The following MAP3K1 variants were observed in gnomAD, a reference collection of about 807,000 sequenced individuals.
The protein encoded by MAP3K1 is MAP/ERK kinase kinase 1.
Under a neutral mutation model 144.2 loss-of-function variants are expected in MAP3K1, and 36 were observed. The ratio of observed to expected loss-of-function variants is 0.25; its 90% CI spans 0.19 to 0.33. MAP3K1 has a LOEUF of 0.33. Among genes scored for constraint, MAP3K1 ranks in the 10% least tolerant of loss-of-function variants. MAP3K1 has a pLI of 1.00. For synonymous variants in MAP3K1, 718 were observed against 688.7 expected, an observed-to-expected ratio of 1.04 and a Z score of -0.67; for missense variants, 1,650 against 1,881.9, an observed-to-expected ratio of 0.88 and a Z score of 2.28.
At chr5:56,870,580 A>G (rs1747821383) in intron 6 of MAP3K1, among the ~76,000 whole-genome samples, 1 of 152,134 alleles carries the variant, frequency 6.6e-6, no homozygotes, top group African/African-American at 2.4e-5. Flanking sequence ...ACGTTCCCCC[A>G]TCCATGTTTC....
intron 4 of MAP3K1, 37 bp from the exon 5 acceptor site, chr5:56,865,303 A>T: frequency 8.7e-7 from 1 of 1,149,772 alleles, no homozygotes; most frequent in African/African-American, 1.5e-5. Context: ...TGAACCACAG[A>T]TGTATTAACC....
chr5:56,868,340 A>G, intron 6 of MAP3K1, among the ~76,000 whole-genome samples: 1 of 151,962 alleles, frequency 6.6e-6, no homozygotes, highest in African/African-American at 2.4e-5. Flanking sequence ...AAAATCTGAA[A>G]CGTCAAAAAA....
intron 6 of MAP3K1, among the ~76,000 whole-genome samples, chr5:56,870,635 T>C (rs1308359619): frequency 6.6e-6 from 1 of 152,200 alleles, no homozygotes; most frequent in Non-Finnish European, 1.5e-5. Context: ...AGTCATGCCA[T>C]ATGTTCTGGT....
At chr5:56,853,691 G>A (rs1747247110) in intron 1 of MAP3K1, among the ~76,000 whole-genome samples, 1 of 152,172 alleles carries the variant, frequency 6.6e-6, no homozygotes, top group Non-Finnish European at 1.5e-5. Flanking sequence ...GAGGAGTTGA[G>A]GAAAATCTAG....
chr5:56,817,786 G>T (rs192372639), intron 1 of MAP3K1, among the ~76,000 whole-genome samples: 15 of 152,190 alleles, frequency 9.9e-5, no homozygotes, highest in Admixed American at 7.8e-4. Context: ...TTTAGCAAAC[G>T]TCAGCATTCT....
chr5:56,889,769 C>A (rs906008053), intron 19 of MAP3K1, among the ~76,000 whole-genome samples: 6 of 152,078 alleles, frequency 3.9e-5, no homozygotes, highest in African/African-American at 1.2e-4. Flanking sequence ...GAAGCATGTA[C>A]TTCGTGGGAT....
intron 1 of MAP3K1, among the ~76,000 whole-genome samples, chr5:56,817,465 T>G (rs1163615511): frequency 6.6e-6 from 1 of 152,200 alleles, no homozygotes; most frequent in Non-Finnish European, 1.5e-5. Context: ...CACGATCCAT[T>G]TAGTATTTGG....
At position 56,858,254 on chromosome 5, in the gene MAP3K1, T is replaced by C. The variant is rs777356010; in HGVS notation, c.634-1461T>C. On this transcript the variant is annotated intron_variant, in intron 2 of 19. Coordinates refer to ENST00000399503, the MANE Select transcript of MAP3K1 (RefSeq NM_005921.2). Reference sequence around the variant, plus strand: ...AGGTGTTCAAACAGCCTAAATCTTTTGAGAATACCGTAGGGCATAAATCAC... The same window carrying C: ...AGGTGTTCAAACAGCCTAAATCTTTCGAGAATACCGTAGGGCATAAATCAC... Among the ~76,000 whole-genome samples the C allele has an allele frequency of 6.6e-5, 10 of 152,358 alleles. No homozygotes were observed. In the Middle Eastern group the frequency reaches 0.01, roughly 155 times the overall value.
chr5:56,816,135 G>T, intron 1 of MAP3K1, 80 bp downstream of exon 1: 1 of 1,146,034 alleles, frequency 8.7e-7, no homozygotes, highest in Non-Finnish European at 1.1e-6. Context: ...CACCATGCAC[G>T]GCGTCCCGGG....
In MAP3K1 at chr5:56,864,837, G is replaced by A. The variant is rs200705994; in HGVS notation, c.938G>A (p.Arg313Gln). 3.7e-6 allele frequency: 6 copies of A among 1,614,034 alleles called. No homozygotes were observed. Among genetic ancestry groups the A allele is most frequent in the African/African-American group, 2.7e-5 (2 of 74,972 alleles). The part of the protein sequence containing the change: ...ETNRRVNKVM[R>Q]ARLYLLQQIG... ...AACCGCCGTGTTAACAAAGTGATGC[G>A]GGCCAGACTGTACTTACTGCAGCAG... Residue 313 changes from arginine (R) to glutamine (Q), a missense_variant, in exon 4 of 20, where the codon CGG becomes CAG. Arg to Gln is a conservative substitution (Grantham distance 43, BLOSUM62 1). Transcript: ENST00000399503.
intron 4 of MAP3K1, among the ~76,000 whole-genome samples, 194 bp from the exon 5 acceptor site, chr5:56,865,146 A>G (rs1301269340): frequency 1.3e-5 from 2 of 152,212 alleles, no homozygotes; most frequent in East Asian, 3.8e-4. Context: ...TGATCTATTT[A>G]ATAAATTCAG....
chr5:56,848,396 C>A (rs1417372862), intron 1 of MAP3K1, among the ~76,000 whole-genome samples: 1 of 152,122 alleles, frequency 6.6e-6, no homozygotes, highest in Non-Finnish European at 1.5e-5. Context: ...CATGGTGTTA[C>A]TTCTTAGATC....
At chr5:56,843,201 G>T (rs1039271498) in intron 1 of MAP3K1, among the ~76,000 whole-genome samples, 3 of 152,266 alleles carry the variant, frequency 2.0e-5, no homozygotes, top group Admixed American at 6.5e-5. Flanking sequence ...CCACCCACCA[G>T]TTCTTCCTGA....
At position 56,881,958 on chromosome 5, in the gene MAP3K1, T is replaced by G; in HGVS notation, c.2758T>G (p.Leu920Val). ...TGGAAAAGGATTATGTGCTACAAAA[T>G]TGAGTGCCAGTTCAGAGGACATTTC... Reference protein sequence around the residue: ...KTGKGLCATKLSASSEDISER... With the variant: ...KTGKGLCATKVSASSEDISER... The change falls in exon 14 of 20, where the codon TTG becomes GTG. Residue 920 changes from leucine to valine, a missense_variant. This residue lies in a region of MAP3K1 where 841 missense variants were observed against 886.5 expected (regional missense o/e 0.95). Transcript: ENST00000399503. The G allele has an allele frequency of 9.3e-6, 15 of 1,614,032 alleles. No individual in the cohort carries two copies. The highest frequency in any genetic ancestry group is 1.3e-5 in the Non-Finnish European group (15 of 1,180,012).
At chr5:56,824,017 A>G (rs1322142069) in intron 1 of MAP3K1, among the ~76,000 whole-genome samples, 2 of 152,214 alleles carry the variant, frequency 1.3e-5, no homozygotes, top group Non-Finnish European at 2.9e-5. Flanking sequence ...TTAAGATATC[A>G]TTTTTAGAAT....
chr5:56,851,318 A>G (rs1000871550), intron 1 of MAP3K1, among the ~76,000 whole-genome samples: 1 of 152,170 alleles, frequency 6.6e-6, no homozygotes, highest in African/African-American at 2.4e-5. Flanking sequence ...TGTTTTAGTC[A>G]GACTATTTGA....
At chr5:56,825,027 G>C (rs1195627055) in intron 1 of MAP3K1, among the ~76,000 whole-genome samples, 1 of 151,418 alleles carries the variant, frequency 6.6e-6, no homozygotes, top group Non-Finnish European at 1.5e-5. Flanking sequence ...TTGTTGTTGA[G>C]ATGGAGTTTC....
intron 1 of MAP3K1, among the ~76,000 whole-genome samples, chr5:56,849,019 A>G (rs1747083470): frequency 6.6e-6 from 1 of 152,196 alleles, no homozygotes; most frequent in African/African-American, 2.4e-5. Flanking sequence ...TTTTTCCACT[A>G]ATAAAGATTT....
chr5:56,837,049 C>G (rs59966745), intron 1 of MAP3K1, among the ~76,000 whole-genome samples: 3,145 of 152,116 alleles, frequency 0.021, 101 homozygotes, highest in African/African-American at 0.073. Flanking sequence ...AGTATCCCCC[C>G]ACCTTAAGCT....
Sources: allele counts gnomAD v4.1 joint callset (sites outside exome capture counted in the v4.1 genomes callset), GRCh38; gene constraint gnomAD v4.1.1; regional missense constraint gnomAD v4.1.1; transcripts MANE v1.5; gene names NCBI Gene and HGNC (gene_info 2026-07-23, HGNC 2026-07-21).